Variants in ATXN7L1 observed in about 807,000 individuals in gnomAD.
ATXN7L1 encodes the protein ataxin-7-like protein 1.
A neutral mutation model predicts 70.8 loss-of-function variants in ATXN7L1; 15 were observed. That is an observed-to-expected ratio of 0.21 (90% CI 0.14 to 0.33). The LOEUF is 0.33. Among genes scored for constraint, ATXN7L1 ranks in the 10% least tolerant of loss-of-function variants. ATXN7L1 has a pLI of 1.00. For synonymous variants in ATXN7L1, 440 were observed against 445.1 expected, an observed-to-expected ratio of 0.99 and a Z score of 0.14; for missense variants, 975 against 1,097.1, an observed-to-expected ratio of 0.89 and a Z score of 1.57.
At position 105,664,563 on chromosome 7, in the gene ATXN7L1, A is replaced by ATGTGTGTGTGTGTGTGTG. The variant is rs201514886; in HGVS notation, c.578+502_578+503insCACACACACACACACACA. ...TATGTATAATATACATATATATATT[A>ATGTGTGTGTGTGTGTGTG]TGTATGTGTGTGTATATATATATAT... On this transcript the variant is annotated intron_variant, in intron 4 of 11. Coordinates refer to ENST00000419735, the MANE Select transcript of ATXN7L1 (RefSeq NM_020725.2). 6.7e-5 allele frequency among the ~76,000 whole-genome samples: 9 copies of ATGTGTGTGTGTGTGTGTG among 134,732 alleles called. No homozygotes were observed. In the East Asian group the frequency reaches 6.8e-4, roughly 10 times the overall value. The allele number at this position is 134,732 out of a possible 152,430, so 88.4% of individuals were successfully genotyped here. A position where few individuals can be genotyped will look rare whatever the true frequency, so the allele number is the denominator to read the frequency against.
intron 2 of ATXN7L1, among the ~76,000 whole-genome samples, chr7:105,826,885 T>C (rs1810945209): frequency 1.3e-5 from 2 of 152,188 alleles, no homozygotes; most frequent in African/African-American, 2.4e-5. Flanking sequence ...GTAGCTGTAA[T>C]ATTTTACAAG....
intron 3 of ATXN7L1, among the ~76,000 whole-genome samples, chr7:105,741,062 C>T (rs918960803): frequency 5.3e-5 from 8 of 152,254 alleles, no homozygotes; most frequent in East Asian, 1.9e-4. Flanking sequence ...CCGCACCCGG[C>T]GGTTGCTCCA....
chr7:105,708,965 T>C (rs1793523626), intron 3 of ATXN7L1, among the ~76,000 whole-genome samples: 1 of 152,228 alleles, frequency 6.6e-6, no homozygotes, highest in African/African-American at 2.4e-5. Flanking sequence ...CAAACATCAA[T>C]GACTCCAGTC....
At chr7:105,632,245 A>G (rs2115859989) in intron 7 of ATXN7L1, among the ~76,000 whole-genome samples, 1 of 152,384 alleles carries the variant, frequency 6.6e-6, no homozygotes, top group South Asian at 2.1e-4. Context: ...TGGAAAGAGA[A>G]AAAACTAAAA....
Position 105,868,224 on chromosome 7 carries a change from C to A in ATXN7L1, c.250+7588G>T, listed in dbSNP as rs563937107. 7.2e-4 allele frequency among the ~76,000 whole-genome samples: 110 copies of A among 152,296 alleles called. No individual in the cohort carries two copies. In the Middle Eastern group the frequency reaches 0.017, roughly 24 times the overall value. ...CCCCTACCTCAGTGAGGCCCCCCCA[C>A]CATGACCTCCAGCAGCACCTGAGTT... On this transcript the variant is annotated intron_variant, in intron 2 of 11. Transcript: ENST00000419735.
At position 105,613,890 on chromosome 7, in the gene ATXN7L1, T is replaced by C. The variant is rs1793442779; in HGVS notation, c.2444A>G (p.Asp815Gly). 1.3e-6 allele frequency: 2 copies of C among 1,551,950 alleles called. No homozygotes were observed. The highest frequency in any genetic ancestry group is 1.7e-6 in the Non-Finnish European group (2 of 1,147,022). The change falls in exon 10 of 12, where the codon GAT (aspartate) becomes GGT (glycine). Residue 815 changes from aspartate to glycine, a missense_variant. Physicochemically the swap from Asp to Gly is moderately conservative, Grantham distance 94 (BLOSUM62 -1). This residue lies in a region of ATXN7L1 where 635 missense variants were observed against 699.4 expected (regional missense o/e 0.91). Transcript: ENST00000419735. The stretch of plus-strand genomic sequence containing the variant: ...CCGAGAGGAGGTGCTGTTAACGGGA[T>C]CGGGCACCGGTGCGAGAAGGCTGGG... ...NPPSLLAPVPDPVNSTSSRQV... is the reference protein window; with the variant it reads ...NPPSLLAPVPGPVNSTSSRQV...
At chr7:105,820,870 C>T (rs1810032577) in intron 2 of ATXN7L1, among the ~76,000 whole-genome samples, 1 of 152,144 alleles carries the variant, frequency 6.6e-6, no homozygotes, top group South Asian at 2.1e-4. Flanking sequence ...GGGACCTACC[C>T]TCCACCCCCT....
At chr7:105,674,800 A>G (rs1804362417) in intron 3 of ATXN7L1, among the ~76,000 whole-genome samples, 1 of 152,120 alleles carries the variant, frequency 6.6e-6, no homozygotes, top group African/African-American at 2.4e-5. Flanking sequence ...CTAAGGTGCA[A>G]ATTTCTGGCA....
intron 3 of ATXN7L1, among the ~76,000 whole-genome samples, chr7:105,680,542 G>A (rs569426226): frequency 6.6e-6 from 1 of 152,150 alleles, no homozygotes; most frequent in Non-Finnish European, 1.5e-5. Context: ...TAGTAGGGGG[G>A]TGTTGAGGGG....
intron 2 of ATXN7L1, among the ~76,000 whole-genome samples, 181 bp downstream of exon 2, chr7:105,875,631 C>CCCCCA (rs1819076478): frequency 2.5e-5 from 3 of 121,050 alleles, no homozygotes; most frequent in Admixed American, 8.8e-5. Context: ...CCCTTTACCC[C>CCCCCA]CCCCCCAGTT....
At position 105,665,059 on chromosome 7, in the gene ATXN7L1, G is replaced by A. The variant is rs1241653505; in HGVS notation, c.578+7C>T. On this transcript the variant is annotated splice_region_variant and intron_variant, in intron 4 of 11. Coordinates refer to ENST00000419735, the MANE Select transcript of ATXN7L1 (RefSeq NM_020725.2). ...GACAGCAGCTGGCTGCCAGCCAGCT[G>A]ACTCACCATGGTTTATCCCTTGATC... is the stretch of plus-strand genomic sequence containing the variant. The A allele has an allele frequency of 1.3e-6, 2 of 1,549,050 alleles. No homozygotes were observed. The highest frequency in any genetic ancestry group is 8.7e-7 in the Non-Finnish European group (1 of 1,145,818).
chr7:105,825,630 C>T (rs192230998), intron 2 of ATXN7L1, among the ~76,000 whole-genome samples: 1 of 123,288 alleles, frequency 8.1e-6, no homozygotes, highest in Admixed American at 8.1e-5. Flanking sequence ...GTTTTTAAGA[C>T]ACAAGGAAAT....
chr7:105,614,756 G>T lies in ATXN7L1; in HGVS notation c.1578C>A (p.Pro526=), dbSNP rs752716550. The change falls in exon 10 of 12, where the codon CCC becomes CCA. Residue 526 remains proline, a synonymous_variant. Coordinates refer to ENST00000419735, the MANE Select transcript of ATXN7L1 (RefSeq NM_020725.2). This position sits in a 1 kb window ranked among gnomAD's most constrained non-coding sequence, Gnocchi z 4.3. ...AAGGCTGCAAAACGGATGCTGGAAC[G>T]GGGGTGGTGATGTGGGCTGCTGGCG... is the stretch of plus-strand genomic sequence containing the variant. ...LPSPAAHITT[P]VPASVLQPFS... 1.3e-6 allele frequency: 2 copies of T among 1,551,624 alleles called. No individual in the cohort carries two copies. Among genetic ancestry groups the T allele is most frequent in the African/African-American group, 1.4e-5 (1 of 73,026 alleles).
intron 3 of ATXN7L1, among the ~76,000 whole-genome samples, chr7:105,779,115 T>C (rs1421262300): frequency 1.3e-5 from 2 of 152,242 alleles, no homozygotes; most frequent in Non-Finnish European, 2.9e-5. Context: ...ATAACTGATG[T>C]AGTAGTTAAG....
chr7:105,867,973 A>G (rs1046890907), intron 2 of ATXN7L1, among the ~76,000 whole-genome samples: 4 of 152,170 alleles, frequency 2.6e-5, no homozygotes, highest in Non-Finnish European at 4.4e-5. Flanking sequence ...GGCTCAAACC[A>G]TCAGTGGTGC....
intron 5 of ATXN7L1, 40 bp downstream of exon 5, chr7:105,642,798 G>T (rs1231193962): frequency 1.4e-5 from 21 of 1,523,300 alleles, no homozygotes; most frequent in Non-Finnish European, 1.8e-5. Context: ...CTCCCTTTCA[G>T]TCTAATCATG....
intron 3 of ATXN7L1, among the ~76,000 whole-genome samples, chr7:105,736,517 C>T (rs906513962): frequency 1.4e-4 from 22 of 152,148 alleles, no homozygotes; most frequent in African/African-American, 5.3e-4. Context: ...TTTTGTGGAA[C>T]ACGTTTAAGG....
chr7:105,788,747 A>G, intron 2 of ATXN7L1, 39 bp from the exon 3 acceptor site: 3 of 1,503,138 alleles, frequency 2.0e-6, no homozygotes, highest in Non-Finnish European at 1.9e-6. Flanking sequence ...TTGAAAAAGC[A>G]ATTAAGTCTC....
At chr7:105,664,409 C>T (rs980871088) in intron 4 of ATXN7L1, among the ~76,000 whole-genome samples, 7 of 150,074 alleles carry the variant, frequency 4.7e-5, no homozygotes, top group East Asian at 1.9e-4. Flanking sequence ...GTCAGGCATA[C>T]GGTATATACA....
Sources: gnomAD v4.1 joint callset for allele counts (sites outside exome capture counted in the v4.1 genomes callset) on GRCh38, gnomAD v4.1.1 for gene constraint, gnomAD v4.1.1 regional missense constraint, Gnocchi (gnomAD v3.1) non-coding constraint, MANE v1.5 for transcripts, NCBI Gene and HGNC (gene_info 2026-07-23, HGNC 2026-07-21) for gene names.